The following LAMA2 variants were observed in gnomAD, a reference collection of about 807,000 sequenced individuals.
The protein encoded by LAMA2 is laminin subunit alpha-2.
In LAMA2, 269 loss-of-function variants were observed where a neutral mutation model predicts 364.8. That is an observed-to-expected ratio of 0.74 (90% CI 0.67 to 0.82). The LOEUF (loss-of-function observed/expected upper bound fraction) is 0.82, where lower values mean the gene tolerates loss of function less well. Ranked by LOEUF, LAMA2 falls within the 40% of genes least tolerant of loss-of-function variation. LAMA2 has a pLI of 0.00. For missense variants in LAMA2, 3,807 were observed against 3,873.2 expected (o/e 0.98, Z 0.45); for synonymous variants, 1,379 against 1,370.6 (o/e 1.01, Z -0.14).
At chr6:129,120,089 AC>A (rs1271233234) in intron 4 of LAMA2, among the ~76,000 whole-genome samples, 2 of 152,350 alleles carry the variant, frequency 1.3e-5, no homozygotes, top group Admixed American at 1.3e-4. Context: ...CATAAAAGAA[AC>A]AAATATGTCT....
intron 12 of LAMA2, among the ~76,000 whole-genome samples, chr6:129,223,382 C>A (rs6569588): frequency 0.13 from 20,220 of 152,068 alleles, 3,360 homozygotes; most frequent in African/African-American, 0.39. Flanking sequence ...TTTTGTTGCC[C>A]TTGCTTTTCG....
In LAMA2 at chr6:129,481,323, G is replaced by A. The variant is rs921396502; in HGVS notation, c.7633G>A (p.Asp2545Asn). The A allele has an allele frequency of 1.2e-6, 2 of 1,613,688 alleles. No individual in the cohort carries two copies. The highest frequency in any genetic ancestry group is 3.3e-5 in the Admixed American group (2 of 59,976). The change falls in exon 55 of 65, where the codon GAT (aspartate) becomes AAT (asparagine). Residue 2545 changes from aspartate to asparagine, a missense_variant. By Grantham distance (23) the Asp-to-Asn change is conservative. This residue lies in a region of LAMA2 where 3,333 missense variants were observed against 3,345.7 expected (regional missense o/e 1.00). Transcript: ENST00000421865. ...GFVELSPVPI[D>N]VGTEINLSFS... ...TGTGGAGCTCTCCCCTGTGCCAATTGATGTAGGAACAGAAATCAACCTGTC... is the reference window on the plus strand; with the variant it reads ...TGTGGAGCTCTCCCCTGTGCCAATTAATGTAGGAACAGAAATCAACCTGTC...
At chr6:129,066,058 T>TTTC (rs1562206967) in intron 3 of LAMA2, among the ~76,000 whole-genome samples, 2 of 114,770 alleles carry the variant, frequency 1.7e-5, no homozygotes, top group Admixed American at 9.3e-5. Context: ...TTTTTTTTTT[T>TTTC]TTTTTGAGAC....
chr6:129,300,499 A>T (rs1289774252), intron 21 of LAMA2, among the ~76,000 whole-genome samples: 1 of 152,150 alleles, frequency 6.6e-6, no homozygotes. Flanking sequence ...AGCTAAAAAT[A>T]CTTTAACTTT....
chr6:129,141,973 GTAA>G (rs1037008965), intron 4 of LAMA2, among the ~76,000 whole-genome samples: 5 of 151,980 alleles, frequency 3.3e-5, no homozygotes, highest in Non-Finnish European at 7.4e-5. Context: ...TGTTGCATAG[GTAA>G]TAATAATCCA....
intron 14 of LAMA2, among the ~76,000 whole-genome samples, chr6:129,252,625 GAT>G (rs1342262879): frequency 1.3e-5 from 2 of 152,120 alleles, no homozygotes; most frequent in African/African-American, 4.8e-5. Flanking sequence ...AAGCTAAAAA[GAT>G]ATAAATTCCA....
At chr6:129,223,283 T>C (rs975368538) in intron 12 of LAMA2, among the ~76,000 whole-genome samples, 1 of 152,180 alleles carries the variant, frequency 6.6e-6, no homozygotes, top group Admixed American at 6.5e-5. Context: ...CTTCTCCCAT[T>C]CTGTAGGTTG....
At position 129,154,601 on chromosome 6, in the gene LAMA2, G is replaced by C; in HGVS notation, c.1124G>C (p.Gly375Ala). ...SLNIRGKYIG[G>A]GVCINCTQNT... ...AATATACGTGGAAAGTACATTGGAG[G>C]GGGTGTCTGCATTAATTGTACCCAA... The change falls in exon 8 of 65, where the codon GGG becomes GCG. Residue 375 changes from glycine to alanine, a missense_variant. Transcript: ENST00000421865. The C allele has an allele frequency of 6.2e-7, 1 of 1,613,866 alleles. No individual in the cohort carries two copies. The highest frequency in any genetic ancestry group is 1.1e-5 in the South Asian group (1 of 91,080).
chr6:129,288,401 T>A (rs1421398384), intron 19 of LAMA2, among the ~76,000 whole-genome samples: 1 of 152,166 alleles, frequency 6.6e-6, no homozygotes, highest in Non-Finnish European at 1.5e-5. Flanking sequence ...TTTTTTTATC[T>A]CAATTCTAAT....
At chr6:129,059,205 G>A (rs1378812297) in intron 2 of LAMA2, among the ~76,000 whole-genome samples, 1 of 152,112 alleles carries the variant, frequency 6.6e-6, no homozygotes, top group Non-Finnish European at 1.5e-5. Context: ...CAGCATACCA[G>A]CATGCTATAT....
intron 56 of LAMA2, among the ~76,000 whole-genome samples, chr6:129,490,352 G>A (rs2114856053): frequency 6.6e-6 from 1 of 152,224 alleles, no homozygotes; most frequent in Admixed American, 6.5e-5. Context: ...ATTCCAGTAT[G>A]TTCCTCCTGA....
At chr6:129,496,010 A>G (rs544459545) in intron 58 of LAMA2, among the ~76,000 whole-genome samples, 54 of 152,310 alleles carry the variant, frequency 3.5e-4, no homozygotes, top group African/African-American at 1.3e-3. Flanking sequence ...GAGCTAGAAG[A>G]CACCCTAAAG....
At chr6:129,442,337 G>C (rs2114768532) in intron 43 of LAMA2, 1 of 619,436 alleles carries the variant, frequency 1.6e-6, no homozygotes, top group Admixed American at 5.2e-5. Flanking sequence ...TGAAAAAGGG[G>C]AGATAAAAAC....
At chr6:129,370,697 C>T (rs1049236544) in intron 34 of LAMA2, among the ~76,000 whole-genome samples, 5 of 152,100 alleles carry the variant, frequency 3.3e-5, no homozygotes, top group Non-Finnish European at 7.4e-5. Context: ...AGTATTGGAG[C>T]TAGAAGGTTC....
At chr6:129,114,349 C>T (rs1433336822) in intron 4 of LAMA2, among the ~76,000 whole-genome samples, 2 of 152,006 alleles carry the variant, frequency 1.3e-5, no homozygotes, top group Non-Finnish European at 2.9e-5. Flanking sequence ...CCAGAACCCA[C>T]AGCTGCAGAA....
chr6:128,960,470 C>G (rs35955704), intron 1 of LAMA2, among the ~76,000 whole-genome samples: 10,061 of 149,732 alleles, frequency 0.067, 414 homozygotes, highest in South Asian at 0.11. Flanking sequence ...CCACCCCGCC[C>G]CCGCCGACCC....
intron 1 of LAMA2, among the ~76,000 whole-genome samples, chr6:129,010,072 G>A (rs1784671290): frequency 6.6e-6 from 1 of 152,124 alleles, no homozygotes; most frequent in Admixed American, 6.5e-5. Context: ...AGGTTTCTTT[G>A]TCAGGAACAG....
At chr6:129,080,393 A>G (rs534024082) in intron 3 of LAMA2, among the ~76,000 whole-genome samples, 1 of 152,324 alleles carries the variant, frequency 6.6e-6, no homozygotes, top group South Asian at 2.1e-4. Flanking sequence ...ACAAGATTAA[A>G]TTACTACAGA....
intron 4 of LAMA2, among the ~76,000 whole-genome samples, chr6:129,142,408 T>A (rs994792966): frequency 7.9e-5 from 12 of 152,022 alleles, no homozygotes; most frequent in Non-Finnish European, 1.5e-4. Flanking sequence ...CTCTGGCCTC[T>A]TTTTATTAGG....
Sources: gnomAD v4.1 joint callset for allele counts (sites outside exome capture counted in the v4.1 genomes callset) on GRCh38, gnomAD v4.1.1 for gene constraint, gnomAD v4.1.1 regional missense constraint, MANE v1.5 for transcripts, NCBI Gene and HGNC (gene_info 2026-07-23, HGNC 2026-07-21) for gene names.